MED12L: variants seen among roughly 807,000 people sequenced by gnomAD.
The protein encoded by MED12L is mediator complex subunit 12L.
MED12L carries 60 observed loss-of-function variants against 281.3 expected under a neutral mutation model. The ratio of observed to expected loss-of-function variants is 0.21; its 90% CI spans 0.17 to 0.26. The LOEUF is 0.26. MED12L is among the 10% of genes least tolerant of loss of function. The pLI is 1.00. For synonymous variants in MED12L, 974 were observed against 987.2 expected, an observed-to-expected ratio of 0.99 and a Z score of 0.25; for missense variants, 2,146 against 2,680.9, an observed-to-expected ratio of 0.80 and a Z score of 4.41.
At chr3:151,280,658 G>T (rs1742661448) in intron 16 of MED12L, among the ~76,000 whole-genome samples, 1 of 151,876 alleles carries the variant, frequency 6.6e-6, no homozygotes, top group South Asian at 2.1e-4. Context: ...CTGTTCTGTG[G>T]TTTTATTGGC....
At chr3:151,198,360 T>A in intron 16 of MED12L, 1 of 1,155,712 alleles carries the variant, frequency 8.7e-7, no homozygotes, top group Non-Finnish European at 1.2e-6. Flanking sequence ...TTTTTTTATC[T>A]TTCAAAGCTA....
intron 11 of MED12L, among the ~76,000 whole-genome samples, chr3:151,174,448 T>C (rs1721801481): frequency 6.6e-6 from 1 of 152,164 alleles, no homozygotes; most frequent in Admixed American, 6.5e-5. Flanking sequence ...ATTAGTTGAT[T>C]TAAATACTCA....
At chr3:151,385,329 T>C in intron 36 of MED12L, 138 bp downstream of exon 36, 1 of 531,420 alleles carries the variant, frequency 1.9e-6, no homozygotes, top group Non-Finnish European at 3.2e-6. Flanking sequence ...CTTCTAAGTG[T>C]ACTTAGTCAT....
chr3:151,202,930 T>G (rs1477746328), intron 16 of MED12L, among the ~76,000 whole-genome samples: 1 of 152,222 alleles, frequency 6.6e-6, no homozygotes, highest in Non-Finnish European at 1.5e-5. Flanking sequence ...GTTCATCAGA[T>G]ATAAGAAAAT....
intron 4 of MED12L, among the ~76,000 whole-genome samples, chr3:151,126,960 G>A (rs145069297): frequency 2.6e-5 from 4 of 152,258 alleles, no homozygotes; most frequent in Non-Finnish European, 5.9e-5. Flanking sequence ...CTGGCGTGGG[G>A]CATGTCCTTG....
chr3:151,205,561 G>A (rs1473333121), intron 16 of MED12L, among the ~76,000 whole-genome samples: 1 of 152,174 alleles, frequency 6.6e-6, no homozygotes, highest in Non-Finnish European at 1.5e-5. Flanking sequence ...TGGAACTAAT[G>A]AGGAAGGGGA....
chr3:151,323,155 A>G (rs1299372204), intron 16 of MED12L, among the ~76,000 whole-genome samples: 1 of 152,108 alleles, frequency 6.6e-6, no homozygotes, highest in Non-Finnish European at 1.5e-5. Flanking sequence ...AGAGTCCCCC[A>G]CTTTCAATGG....
intron 11 of MED12L, among the ~76,000 whole-genome samples, chr3:151,175,909 A>G (rs926937209): frequency 2.0e-5 from 3 of 152,206 alleles, no homozygotes; most frequent in South Asian, 2.1e-4. Flanking sequence ...ATATGCCCCA[A>G]GTTCATGAGA....
rs533969606 is a variant in MED12L at position 151,169,109 on chromosome 3, T to G, written c.1494+3127T>G. Among the ~76,000 whole-genome samples, 137 of 145,736 alleles carry G rather than the reference T, an allele frequency of 9.4e-4. 1 individual carries two copies. Among genetic ancestry groups the G allele is most frequent in the African/African-American group, 3.4e-3 (128 of 37,802 alleles). On this transcript the variant is annotated intron_variant, in intron 11 of 44. Transcript: ENST00000687756. ...GGTTACTGTTTTCTTTTTCTTTGTT[T>G]TTTTTTTTTTTTGTTTTTTTTTTTT...
intron 43 of MED12L, 43 bp from the exon 44 acceptor site, chr3:151,430,256 C>A: frequency 6.2e-7 from 1 of 1,612,552 alleles, no homozygotes; most frequent in Non-Finnish European, 8.5e-7. Flanking sequence ...CTGTGATTGG[C>A]ACCATGGAAT....
chr3:151,226,454 C>T (rs1367535009), intron 16 of MED12L, among the ~76,000 whole-genome samples: 1 of 152,200 alleles, frequency 6.6e-6, no homozygotes, highest in East Asian at 1.9e-4. Flanking sequence ...GCACCTAACA[C>T]ATAGCCAGAC....
intron 16 of MED12L, among the ~76,000 whole-genome samples, chr3:151,271,167 T>C (rs541054811): frequency 5.9e-5 from 9 of 152,256 alleles, no homozygotes; most frequent in African/African-American, 2.2e-4. Context: ...CATTACTCTA[T>C]AATAAAAAGA....
At chr3:151,191,432 T>C (rs1723967831) in intron 14 of MED12L, among the ~76,000 whole-genome samples, 1 of 152,256 alleles carries the variant, frequency 6.6e-6, no homozygotes. Context: ...TCTCAAATGT[T>C]GTAGAAGTGT....
intron 16 of MED12L, among the ~76,000 whole-genome samples, chr3:151,234,379 A>G (rs1423231564): frequency 6.6e-6 from 1 of 152,232 alleles, no homozygotes; most frequent in Non-Finnish European, 1.5e-5. Context: ...AGGTATTGCA[A>G]ATAGTTACGT....
At chr3:151,354,128 G>A (rs1753621975) in intron 17 of MED12L, among the ~76,000 whole-genome samples, 2 of 105,764 alleles carry the variant, frequency 1.9e-5, no homozygotes, top group South Asian at 3.7e-4. Context: ...GCGACAGAGC[G>A]AGACTCCGTC....
chr3:151,106,715 A>G (rs1041703155), intron 2 of MED12L, among the ~76,000 whole-genome samples: 4 of 152,188 alleles, frequency 2.6e-5, no homozygotes, highest in African/African-American at 9.7e-5. Context: ...ACATGCACCA[A>G]TGATTGTTAT....
intron 4 of MED12L, 67 bp downstream of exon 4, chr3:151,123,041 G>C (rs1417927074): frequency 3.8e-6 from 5 of 1,305,122 alleles, no homozygotes; most frequent in Non-Finnish European, 5.2e-6. Flanking sequence ...TAATATTCAA[G>C]TATATATTTG....
intron 16 of MED12L, chr3:151,328,422 T>A: frequency 6.2e-7 from 1 of 1,613,410 alleles, no homozygotes; most frequent in South Asian, 1.1e-5. Context: ...AACTGGCATA[T>A]GTTATTTACC....
At chr3:151,206,071 A>ATTTTTTTTT (rs60866327) in intron 16 of MED12L, among the ~76,000 whole-genome samples, 1 of 124,168 alleles carries the variant, frequency 8.1e-6, no homozygotes, top group Admixed American at 8.5e-5. Context: ...AAAGAAAATA[A>ATTTTTTTTT]TTTTTTTTTT....
Sources: gnomAD v4.1 joint callset for allele counts (sites outside exome capture counted in the v4.1 genomes callset) on GRCh38, gnomAD v4.1.1 for gene constraint, MANE v1.5 for transcripts, NCBI Gene and HGNC (gene_info 2026-07-23, HGNC 2026-07-21) for gene names.